ALG6: variants seen among roughly 807,000 people sequenced by gnomAD.
ALG6 encodes dolichyl pyrophosphate Man9GlcNAc2 alpha-1,3-glucosyltransferase.
ALG6 carries 46 observed loss-of-function variants against 66.6 expected under a neutral mutation model. The ratio of observed to expected loss-of-function variants is 0.69; its 90% CI spans 0.55 to 0.88. The LOEUF (loss-of-function observed/expected upper bound fraction) is 0.88. Among genes scored for constraint, ALG6 ranks in the 40% least tolerant of loss-of-function variants. ALG6 has a pLI of 0.00. For synonymous variants in ALG6, 185 were observed against 203.7 expected (o/e 0.91, Z 0.78); for missense variants, 505 against 586.8 (o/e 0.86, Z 1.44).
chr1:63,383,823 A>G (rs912893963), intron 2 of ALG6, among the ~76,000 whole-genome samples: 1 of 151,616 alleles, frequency 6.6e-6, no homozygotes, highest in Non-Finnish European at 1.5e-5. Context: ...TACCCCACCC[A>G]CTCTTCTCAG....
rs562657853 is a variant in ALG6 at position 63,433,251 on chromosome 1, T to C, written c.1327-3572T>C. The stretch of plus-strand genomic sequence containing the variant: ...CTACCGCGCCCAGCCCAACAGGCTA[T>C]ACTTATTTATATTTTTGAGTACTAC... On this transcript the variant is annotated intron_variant, in intron 14 of 14. Coordinates refer to ENST00000263440, the MANE Select transcript of ALG6 (RefSeq NM_013339.4). This position sits in a 1 kb window ranked among gnomAD's most constrained non-coding sequence, Gnocchi z 4.2. Among the ~76,000 whole-genome samples, 53 of 152,328 alleles carry C rather than the reference T, an allele frequency of 3.5e-4. 2 individuals carry two copies. The South Asian group carries it at 9.9e-3, about 29-fold the overall frequency.
chr1:63,408,991 A>G (rs907602918), intron 7 of ALG6, among the ~76,000 whole-genome samples: 2 of 152,050 alleles, frequency 1.3e-5, no homozygotes, highest in Non-Finnish European at 2.9e-5. Context: ...TGTTGGCCAG[A>G]CTGGTCTCAA....
Position 63,393,896 on chromosome 1 carries a change from T to G in ALG6, c.83-2617T>G, listed in dbSNP as rs536592322. Among the ~76,000 whole-genome samples the G allele has an allele frequency of 2.0e-5, 3 of 152,328 alleles. No homozygotes were observed. The East Asian group carries it at 5.8e-4, about 29-fold the overall frequency. Reference sequence around the variant, plus strand: ...ACTAGGTGCTATTACATTCTGAGAATAGAAAACTTATTAAGTTTCTTTCTG... The same window carrying G: ...ACTAGGTGCTATTACATTCTGAGAAGAGAAAACTTATTAAGTTTCTTTCTG... On this transcript the variant is annotated intron_variant, in intron 2 of 14. Transcript: ENST00000263440.
intron 2 of ALG6, among the ~76,000 whole-genome samples, chr1:63,383,487 T>G (rs1340674446): frequency 6.6e-6 from 1 of 151,976 alleles, no homozygotes; most frequent in Non-Finnish European, 1.5e-5. Context: ...GCCATCATGG[T>G]TCACTGCAGC....
At chr1:63,410,505 T>A (rs1485298111) in intron 7 of ALG6, among the ~76,000 whole-genome samples, 4 of 152,150 alleles carry the variant, frequency 2.6e-5, no homozygotes, top group African/African-American at 9.7e-5. Context: ...TCTTCCTGCC[T>A]TGGCCTTCCA....
Position 63,411,243 on chromosome 1 carries a change from A to C in ALG6, c.592A>C (p.Asn198His). The C allele has an allele frequency of 1.2e-6, 2 of 1,614,008 alleles. No individual in the cohort carries two copies. Among genetic ancestry groups the C allele is most frequent in the Non-Finnish European group, 1.7e-6 (2 of 1,179,936 alleles). ...GTCACTGGCATTTTGCTTAGCTATA[A>C]ATTATAAACAGATGGAACTTTACCA... Reference protein sequence around the residue: ...LGSLAFCLAINYKQMELYHAL... With the variant: ...LGSLAFCLAIHYKQMELYHAL... Residue 198 changes from asparagine to histidine, a missense_variant, in exon 8 of 15, where the codon AAT becomes CAT. Physicochemically the swap from Asn to His is moderately conservative, Grantham distance 68. Transcript: ENST00000263440.
At chr1:63,396,683 T>G in intron 3 of ALG6, 86 bp downstream of exon 3, 2 of 1,202,678 alleles carry the variant, frequency 1.7e-6, no homozygotes, top group Non-Finnish European at 2.4e-6. Context: ...CGCTATTTTC[T>G]TCATCTTGAA....
chr1:63,420,476 G>A (rs994703364), intron 12 of ALG6, among the ~76,000 whole-genome samples: 2 of 152,092 alleles, frequency 1.3e-5, no homozygotes, highest in Admixed American at 1.3e-4. Context: ...TGAACTTCTA[G>A]GGGTTCATTT....
chr1:63,427,773 A>G (rs1644624170), intron 12 of ALG6, among the ~76,000 whole-genome samples: 1 of 147,824 alleles, frequency 6.8e-6, no homozygotes, highest in Admixed American at 6.7e-5. Context: ...GCTTAGAGCT[A>G]TGACCCTAAA....
At chr1:63,422,442 T>C (rs1357497519) in intron 12 of ALG6, among the ~76,000 whole-genome samples, 1 of 121,780 alleles carries the variant, frequency 8.2e-6, no homozygotes, top group African/African-American at 3.4e-5. Context: ...AATATATATA[T>C]AAATATATAT....
At chr1:63,415,035 C>A (rs945160391) in intron 10 of ALG6, among the ~76,000 whole-genome samples, 1 of 152,144 alleles carries the variant, frequency 6.6e-6, no homozygotes, top group Non-Finnish European at 1.5e-5. Flanking sequence ...CTGCAAAATT[C>A]TTTCACAGCA....
rs1220555178 is a variant in ALG6, at chr1:63,396,500, C to A, written c.83-13C>A. ...GTACATTGTTGTTTTGCTCTTTTTA[C>A]CTTTGATCTTAGGTGCTGGTAAACC... is the stretch of plus-strand genomic sequence containing the variant. On this transcript the variant is annotated splice_polypyrimidine_tract_variant and intron_variant, in intron 2 of 14. Transcript: ENST00000263440. The A allele has an allele frequency of 1.2e-6, 2 of 1,610,712 alleles. No homozygotes were observed. Among genetic ancestry groups the A allele is most frequent in the African/African-American group, 1.3e-5 (1 of 74,760 alleles).
intron 9 of ALG6, 64 bp downstream of exon 9, chr1:63,412,125 C>A (rs1016286158): frequency 9.3e-6 from 15 of 1,607,372 alleles, no homozygotes; most frequent in Non-Finnish European, 1.2e-5. Context: ...TTAGGGGTTT[C>A]ATGTAGAAGG....
Position 63,419,441 on chromosome 1 carries a change from G to T in ALG6, c.1058+1G>T. 6.3e-7 allele frequency: 1 copy of T among 1,584,210 alleles called. No homozygotes were observed. The highest frequency in any genetic ancestry group is 8.6e-7 in the Non-Finnish European group (1 of 1,157,106). On this transcript the variant is annotated splice_donor_variant, in intron 12 of 14. Coordinates refer to ENST00000263440, the MANE Select transcript of ALG6 (RefSeq NM_013339.4). LOFTEE classifies it high-confidence loss of function. Reference sequence around the variant, plus strand: ...AAAAATCCATTCTCTTGGTGTCACTGTAAGTAGAAACATTTGAAATATGTG... The same window carrying T: ...AAAAATCCATTCTCTTGGTGTCACTTTAAGTAGAAACATTTGAAATATGTG...
At chr1:63,436,161 TAA>T (rs879549104) in intron 14 of ALG6, among the ~76,000 whole-genome samples, 3 of 152,200 alleles carry the variant, frequency 2.0e-5, no homozygotes, top group African/African-American at 4.8e-5. Flanking sequence ...CTTAGAATTT[TAA>T]AAATTGATAC....
At chr1:63,373,431 C>T (rs980479050) in intron 2 of ALG6, among the ~76,000 whole-genome samples, 3 of 151,400 alleles carry the variant, frequency 2.0e-5, no homozygotes, top group African/African-American at 4.8e-5. Context: ...GGCAAAACCC[C>T]GTCTCTATTA....
chr1:63,371,048 A>T lies in ALG6; in HGVS notation c.71A>T (p.Asn24Ile). The change falls in exon 2 of 15, where the codon AAT becomes ATT. Residue 24 changes from asparagine (N) to isoleucine (I), a missense_variant. Physicochemically the swap from Asn to Ile is moderately radical, Grantham distance 149 (BLOSUM62 -3). Transcript: ENST00000263440. ...GLTVRWTVSLNSYSGAGKPPM... is the reference protein window; with the variant it reads ...GLTVRWTVSLISYSGAGKPPM... ...ACAGTACGATGGACAGTGTCTCTTA[A>T]TTCTTATTCAGGTAATACATTTTTA... 2 of 1,603,948 alleles carry T rather than the reference A, an allele frequency of 1.2e-6. No individual in the cohort carries two copies. Among genetic ancestry groups the T allele is most frequent in the Non-Finnish European group, 8.5e-7 (1 of 1,170,986 alleles).
In ALG6 at chr1:63,421,127, T is replaced by C. The variant is rs184666835; in HGVS notation, c.1058+1687T>C. ...ATGGAGAAATAAAACAGAGCAAGAG[T>C]AATTAGGAGTACTGGAGGATGGGAT... On this transcript the variant is annotated intron_variant, in intron 12 of 14. Transcript: ENST00000263440. Among the ~76,000 whole-genome samples, 14 of 150,126 alleles carry C rather than the reference T, an allele frequency of 9.3e-5. 1 individual carries two copies. The East Asian group carries it at 2.5e-3, about 27-fold the overall frequency.
intron 3 of ALG6, among the ~76,000 whole-genome samples, chr1:63,397,019 AG>A (rs1177742122): frequency 6.6e-6 from 1 of 152,152 alleles, no homozygotes; most frequent in African/African-American, 2.4e-5. Flanking sequence ...AGATCTGAAA[AG>A]GGGACCAAAG....
Sources: gnomAD v4.1 joint callset for allele counts (sites outside exome capture counted in the v4.1 genomes callset) on GRCh38, gnomAD v4.1.1 for gene constraint, Gnocchi (gnomAD v3.1) non-coding constraint, MANE v1.5 for transcripts, NCBI Gene and HGNC (gene_info 2026-07-23, HGNC 2026-07-21) for gene names.